Variants in PTPRM observed in about 807,000 individuals in gnomAD.
PTPRM encodes the protein receptor-type tyrosine-protein phosphatase mu.
Under a neutral mutation model 186.7 loss-of-function variants are expected in PTPRM, and 47 were observed. The observed-to-expected ratio is 0.25, with a 90% CI of 0.20 to 0.32. PTPRM has a LOEUF of 0.32. Ranked by LOEUF, PTPRM falls within the 10% of genes least tolerant of loss-of-function variation. The pLI is 1.00. For synonymous variants in PTPRM, 668 were observed against 674.9 expected (o/e 0.99, Z 0.16); for missense variants, 1,494 against 1,865.0 (o/e 0.80, Z 3.66).
chr18:7,678,876 A>C (rs1297869980), intron 1 of PTPRM, among the ~76,000 whole-genome samples: 1 of 152,190 alleles, frequency 6.6e-6, no homozygotes, highest in Non-Finnish European at 1.5e-5. Context: ...TTTTTGTGAC[A>C]AAAGATATCT....
At chr18:7,665,755 C>G (rs567382358) in intron 1 of PTPRM, among the ~76,000 whole-genome samples, 2 of 152,068 alleles carry the variant, frequency 1.3e-5, no homozygotes, top group South Asian at 4.2e-4. Flanking sequence ...AGCCTCATCT[C>G]TACTAAAAAT....
chr18:7,809,260 G>T (rs995984070), intron 2 of PTPRM, among the ~76,000 whole-genome samples: 1 of 152,132 alleles, frequency 6.6e-6, no homozygotes, highest in Non-Finnish European at 1.5e-5. Context: ...TGGCCGAATT[G>T]CTCTGCTTCT....
At chr18:8,023,007 A>G (rs1415119427) in intron 7 of PTPRM, among the ~76,000 whole-genome samples, 1 of 152,148 alleles carries the variant, frequency 6.6e-6, no homozygotes. Context: ...CGTCCTCTTT[A>G]TTCAGTCACC....
At position 8,111,769 on chromosome 18, in the gene PTPRM, G is replaced by A. The variant is rs62089555; in HGVS notation, c.1857-1717G>A. Among the ~76,000 whole-genome samples, 1,417 of 152,150 alleles carry A rather than the reference G, an allele frequency of 9.3e-3. 12 individuals are homozygous for A. Among genetic ancestry groups the A allele is most frequent in the Non-Finnish European group, 0.015 (991 of 68,014 alleles). ...GAGATTCACTTAATTCTCTCATTTC[G>A]TAGGAGAAAAATAAAACTCAAATAA... On this transcript the variant is annotated intron_variant, in intron 11 of 32. Transcript: ENST00000580170.
intron 13 of PTPRM, among the ~76,000 whole-genome samples, chr18:8,127,512 A>G (rs1398150794): frequency 2.6e-5 from 4 of 152,028 alleles, no homozygotes; most frequent in Non-Finnish European, 5.9e-5. Flanking sequence ...TTTAAAAAAA[A>G]TAACATCCTT....
At chr18:7,656,033 A>G (rs192700537) in intron 1 of PTPRM, among the ~76,000 whole-genome samples, 1 of 152,294 alleles carries the variant, frequency 6.6e-6, no homozygotes, top group Non-Finnish European at 1.5e-5. Context: ...CAAAAAACTA[A>G]AAAGAGAATG....
chr18:7,903,816 C>T (rs1314296788), intron 3 of PTPRM, among the ~76,000 whole-genome samples: 2 of 152,202 alleles, frequency 1.3e-5, no homozygotes, highest in Admixed American at 6.5e-5. Flanking sequence ...AGCTTTTCCA[C>T]TCTGGGCTCT....
chr18:8,227,246 G>A (rs1337709929), intron 14 of PTPRM, among the ~76,000 whole-genome samples: 1 of 152,190 alleles, frequency 6.6e-6, no homozygotes. Context: ...ATTCTGCCCA[G>A]TGAATGGGAT....
intron 2 of PTPRM, among the ~76,000 whole-genome samples, chr18:7,867,650 C>T (rs186286139): frequency 8.6e-4 from 131 of 152,264 alleles, no homozygotes; most frequent in African/African-American, 3.0e-3. Flanking sequence ...TCATTTCAAC[C>T]TTGTTGAATC....
intron 2 of PTPRM, among the ~76,000 whole-genome samples, chr18:7,831,994 AT>A (rs1163170452): frequency 2.0e-5 from 3 of 152,210 alleles, no homozygotes; most frequent in Non-Finnish European, 4.4e-5. Flanking sequence ...TCCATTGTGT[AT>A]AAGTACCACG....
chr18:7,752,087 C>A (rs542705779), intron 1 of PTPRM, among the ~76,000 whole-genome samples: 145 of 152,330 alleles, frequency 9.5e-4, no homozygotes, highest in African/African-American at 3.3e-3. Context: ...GTAATGACAC[C>A]TTTTTGATTT....
At chr18:8,292,878 G>T (rs1438941999) in intron 19 of PTPRM, among the ~76,000 whole-genome samples, 1 of 152,224 alleles carries the variant, frequency 6.6e-6, no homozygotes, top group Non-Finnish European at 1.5e-5. Flanking sequence ...TTGGCCATGT[G>T]TATTTAAGTT....
chr18:8,173,638 A>G (rs2093437817), intron 14 of PTPRM, among the ~76,000 whole-genome samples: 1 of 152,218 alleles, frequency 6.6e-6, no homozygotes, highest in African/African-American at 2.4e-5. Flanking sequence ...CTCTCCAAAC[A>G]TTTAGAGGCT....
chr18:7,641,797 C>T (rs1051236197), intron 1 of PTPRM, among the ~76,000 whole-genome samples: 4 of 152,202 alleles, frequency 2.6e-5, no homozygotes, highest in Non-Finnish European at 5.9e-5. Context: ...TTCGGTCCAG[C>T]ATTATGCTTT....
rs534330660 is a variant in PTPRM at position 7,634,030 on chromosome 18, G to A, written c.73+66139G>A. ...AAACACAGAATCTTTTCCAAGGCCC[G>A]CTGGGTATGGTGTGATTTGCTTCTA... On this transcript the variant is annotated intron_variant, in intron 1 of 32. Transcript: ENST00000580170. Among the ~76,000 whole-genome samples the A allele has an allele frequency of 7.2e-5, 11 of 152,150 alleles. 1 individual carries two copies. In the South Asian group the frequency reaches 1.9e-3, roughly 26 times the overall value.
intron 22 of PTPRM, among the ~76,000 whole-genome samples, chr18:8,324,064 T>C (rs2095361568): frequency 1.3e-5 from 2 of 152,202 alleles, no homozygotes; most frequent in Admixed American, 6.5e-5. Context: ...TTAATCTACT[T>C]TTTAAAATTA....
Position 7,905,828 on chromosome 18 carries a change from G to A in PTPRM, c.469-677G>A, listed in dbSNP as rs548125103. ...ACTTACTGTATTTTTTTTCACTTGT[G>A]TAAATCTTACTACCCCACATGGTCC... is the stretch of plus-strand genomic sequence containing the variant. On this transcript the variant is annotated intron_variant, in intron 3 of 32. Coordinates refer to ENST00000580170, the MANE Select transcript of PTPRM (RefSeq NM_001105244.2). Among the ~76,000 whole-genome samples the A allele has an allele frequency of 1.5e-3, 231 of 152,042 alleles. 1 individual carries two copies. Among genetic ancestry groups the A allele is most frequent in the African/African-American group, 5.4e-3 (225 of 41,512 alleles).
intron 13 of PTPRM, among the ~76,000 whole-genome samples, chr18:8,122,776 C>A (rs1160054249): frequency 6.6e-6 from 1 of 152,114 alleles, no homozygotes; most frequent in African/African-American, 2.4e-5. Flanking sequence ...TCTTGGCTGC[C>A]AGTAGTATTA....
chr18:7,704,554 CTTCT>C (rs2040035760), intron 1 of PTPRM, among the ~76,000 whole-genome samples: 1 of 151,980 alleles, frequency 6.6e-6, no homozygotes, highest in Non-Finnish European at 1.5e-5. Context: ...CTATTTGATT[CTTCT>C]TTCTTCTTTA....
Sources: allele counts gnomAD v4.1 joint callset (sites outside exome capture counted in the v4.1 genomes callset), GRCh38; gene constraint gnomAD v4.1.1; transcripts MANE v1.5; gene names NCBI Gene and HGNC (gene_info 2026-07-23, HGNC 2026-07-21).